IGSF10: variants seen among roughly 807,000 people sequenced by gnomAD.
IGSF10 encodes immunoglobulin superfamily member 10, also known as calvaria mechanical force protein 608.
A neutral mutation model predicts 128.2 loss-of-function variants in IGSF10; 126 were observed. The observed-to-expected ratio is 0.98, with a 90% CI of 0.85 to 1.14. The LOEUF is 1.14. IGSF10 is among the 50% of genes most tolerant of loss of function. IGSF10 has a pLI of 0.00. For synonymous variants in IGSF10, 1,185 were observed against 1,146.2 expected (o/e 1.03, Z -0.68); for missense variants, 3,295 against 3,149.8 (o/e 1.05, Z -1.10).
the IGSF10 span, among the ~76,000 whole-genome samples, chr3:151,594,216 T>G: frequency 6.6e-6 from 1 of 152,120 alleles, no homozygotes; most frequent in Non-Finnish European, 1.5e-5. Context: ...ATTCAAAGTT[T>G]AAGTCTTAAT....
intron 5 of IGSF10, 73 bp from the exon 6 acceptor site, chr3:151,449,338 G>C: frequency 7.3e-7 from 1 of 1,372,938 alleles, no homozygotes; most frequent in East Asian, 2.3e-5. Context: ...TGAAGAAATA[G>C]CTTTTGCTAG....
At chr3:151,510,924 A>G in the IGSF10 span, among the ~76,000 whole-genome samples, 1 of 152,208 alleles carries the variant, frequency 6.6e-6, no homozygotes, top group South Asian at 2.1e-4. Context: ...AAAAAGAATA[A>G]AAAGAAATGA....
chr3:151,440,162 T>C (rs1720762087), intron 7 of IGSF10, among the ~76,000 whole-genome samples: 1 of 152,156 alleles, frequency 6.6e-6, no homozygotes. Context: ...TCTGAGTAGC[T>C]GGGACTACAG....
In IGSF10 at chr3:151,443,641, G is replaced by C. The variant is rs1382719412; in HGVS notation, c.5306C>G (p.Ala1769Gly). The change falls in exon 7 of 8, where the codon GCA becomes GGA. Residue 1769 changes from alanine (A) to glycine (G), a missense_variant. Coordinates refer to ENST00000282466, the MANE Select transcript of IGSF10 (RefSeq NM_178822.5). ...AACTGTAGGGCTTGGCCTACCTTCT[G>C]CTCTGCACTTCAGTTCCACAGTGCT... ...SGSTVELKCR[A>G]EGRPSPTVTW... The C allele has an allele frequency of 6.8e-6, 11 of 1,614,110 alleles. No homozygotes were observed. The highest frequency in any genetic ancestry group is 9.3e-6 in the Non-Finnish European group (11 of 1,180,048).
chr3:151,504,987 C>A, the IGSF10 span, among the ~76,000 whole-genome samples: 1 of 152,162 alleles, frequency 6.6e-6, no homozygotes, highest in Non-Finnish European at 1.5e-5. Flanking sequence ...CCAAACTTTC[C>A]CACATTTTCC....
At chr3:151,574,578 A>C in the IGSF10 span, among the ~76,000 whole-genome samples, 76 of 152,212 alleles carry the variant, frequency 5.0e-4, no homozygotes, top group Non-Finnish European at 9.4e-4. Context: ...TAGGTCATTT[A>C]AAGTCTTCTC....
chr3:151,513,813 C>T, the IGSF10 span, among the ~76,000 whole-genome samples: 7 of 152,154 alleles, frequency 4.6e-5, no homozygotes, highest in African/African-American at 1.2e-4. Flanking sequence ...CACAAGCATT[C>T]CTTTACACCA....
the IGSF10 span, among the ~76,000 whole-genome samples, chr3:151,480,738 A>C: frequency 6.6e-6 from 1 of 151,932 alleles, no homozygotes; most frequent in African/African-American, 2.4e-5. Context: ...GCTCCTGCAG[A>C]GCCACCCCAT....
chr3:151,616,034 G>A, the IGSF10 span, among the ~76,000 whole-genome samples: 2 of 147,310 alleles, frequency 1.4e-5, no homozygotes, highest in Admixed American at 6.9e-5. Flanking sequence ...GCGTGATCTC[G>A]GCTCACCACA....
chr3:151,563,208 G>T, the IGSF10 span, among the ~76,000 whole-genome samples: 9 of 152,022 alleles, frequency 5.9e-5, no homozygotes, highest in Non-Finnish European at 1.3e-4. Flanking sequence ...TCTAGGAGAG[G>T]GAATAAACAG....
At chr3:151,534,672 G>A in the IGSF10 span, among the ~76,000 whole-genome samples, 1 of 151,362 alleles carries the variant, frequency 6.6e-6, no homozygotes, top group Non-Finnish European at 1.5e-5. Context: ...GGAGCTGGGG[G>A]AGGGGTAGCA....
chr3:151,595,449 T>G, the IGSF10 span, among the ~76,000 whole-genome samples: 1 of 150,568 alleles, frequency 6.6e-6, no homozygotes, highest in South Asian at 2.1e-4. Flanking sequence ...TATCATATAT[T>G]TCACATACAT....
the IGSF10 span, among the ~76,000 whole-genome samples, chr3:151,485,348 G>C: frequency 1.3e-5 from 2 of 152,154 alleles, no homozygotes; most frequent in Non-Finnish European, 2.9e-5. Flanking sequence ...AAAGTGATGG[G>C]GAGAATGGAA....
At chr3:151,526,474 C>G in the IGSF10 span, among the ~76,000 whole-genome samples, 1 of 151,848 alleles carries the variant, frequency 6.6e-6, no homozygotes. Flanking sequence ...TTTTTAATAA[C>G]TTTTTAAACT....
the IGSF10 span, among the ~76,000 whole-genome samples, chr3:151,590,099 T>C: frequency 6.6e-6 from 1 of 152,112 alleles, no homozygotes; most frequent in Admixed American, 6.5e-5. Flanking sequence ...AGTGCAGTGG[T>C]GCAGTCATGG....
At chr3:151,508,292 ATGG>A in the IGSF10 span, among the ~76,000 whole-genome samples, 1 of 152,190 alleles carries the variant, frequency 6.6e-6, no homozygotes, top group African/African-American at 2.4e-5. Context: ...TGAAAGGTTT[ATGG>A]AAAGTTTTTA....
At chr3:151,457,264 A>C in intron 3 of IGSF10, 109 bp from the exon 4 acceptor site, 1 of 1,016,834 alleles carries the variant, frequency 9.8e-7, no homozygotes, top group Admixed American at 2.3e-5. Flanking sequence ...TTATAACTGT[A>C]CTCTATTGAG....
At chr3:151,584,362 T>A in the IGSF10 span, among the ~76,000 whole-genome samples, 2 of 152,326 alleles carry the variant, frequency 1.3e-5, no homozygotes, top group East Asian at 1.9e-4. Context: ...ATTCTGACAA[T>A]CTTTATCTTT....
chr3:151,491,875 A>G, the IGSF10 span, among the ~76,000 whole-genome samples: 1 of 152,252 alleles, frequency 6.6e-6, no homozygotes, highest in South Asian at 2.1e-4. Flanking sequence ...TCTGATAAAA[A>G]TTGATATAAA....
Sources: gnomAD v4.1 joint callset for allele counts (sites outside exome capture counted in the v4.1 genomes callset) on GRCh38, gnomAD v4.1.1 for gene constraint, MANE v1.5 for transcripts, NCBI Gene and HGNC (gene_info 2026-07-23, HGNC 2026-07-21) for gene names.